Variants in PLEKHG1 observed in about 807,000 individuals in gnomAD.
PLEKHG1 encodes pleckstrin homology and RhoGEF domain containing G1, also known as pleckstrin homology domain-containing family G member 1.
A neutral mutation model predicts 100.8 loss-of-function variants in PLEKHG1; 44 were observed. The observed-to-expected ratio is 0.44, with a 90% CI of 0.34 to 0.56. PLEKHG1 has a LOEUF of 0.56. PLEKHG1 is among the 20% of genes least tolerant of loss of function. The pLI is 0.01. For synonymous variants in PLEKHG1, 640 were observed against 662.5 expected (o/e 0.97, Z 0.52); for missense variants, 1,545 against 1,720.9 (o/e 0.90, Z 1.81).
chr6:150,650,070 A>G (rs1470873189), intron 2 of PLEKHG1, among the ~76,000 whole-genome samples: 3 of 149,912 alleles, frequency 2.0e-5, no homozygotes, highest in Non-Finnish European at 3.0e-5. Context: ...AAAAAAAAAA[A>G]AAAGAAAGAA....
intron 2 of PLEKHG1, among the ~76,000 whole-genome samples, chr6:150,764,549 G>GC (rs1412797628): frequency 6.6e-6 from 1 of 152,174 alleles, no homozygotes; most frequent in Non-Finnish European, 1.5e-5. Context: ...TAGCAGTGCA[G>GC]CCCCACCCTC....
intron 3 of PLEKHG1, among the ~76,000 whole-genome samples, chr6:150,674,672 TCTCTCTCTCTCC>T (rs1161379196): frequency 6.0e-4 from 87 of 144,432 alleles, no homozygotes; most frequent in African/African-American, 1.0e-3. Flanking sequence ...TCTCTCTCTC[TCTCTCTCTCTCC>T]CCCCTCTTCT....
At chr6:150,691,942 C>T (rs1438381873) in intron 3 of PLEKHG1, among the ~76,000 whole-genome samples, 2 of 152,260 alleles carry the variant, frequency 1.3e-5, no homozygotes, top group Admixed American at 1.3e-4. Flanking sequence ...CACTTCCAGC[C>T]TAGGCTTGAA....
chr6:150,721,137 A>G, exon 1 of PLEKHG1: 2 of 985,300 alleles, frequency 2.0e-6, no homozygotes, highest in Non-Finnish European at 2.4e-6. Context: ...TGTTTCTTTT[A>G]CCTGACTGAG....
rs1415836565 is a variant in PLEKHG1, at chr6:150,704,610, T to C, written c.-98-28974T>C. ...CATCACCCAAAGAGTTCAGGTACCT[T>C]TGCCCATTCCTGGGCCCTGTCCCTG... On this transcript the variant is annotated intron_variant, in intron 3 of 3. Transcript: ENST00000367326. Among the ~76,000 whole-genome samples the C allele has an allele frequency of 3.3e-5, 5 of 152,370 alleles. No homozygotes were observed. In the East Asian group the frequency reaches 7.7e-4, roughly 24 times the overall value.
intron 3 of PLEKHG1, among the ~76,000 whole-genome samples, chr6:150,654,365 C>T (rs1778877334): frequency 6.6e-6 from 1 of 152,190 alleles, no homozygotes; most frequent in South Asian, 2.1e-4. Flanking sequence ...CTCAGCACAG[C>T]GGTGCTCAGT....
intron 2 of PLEKHG1, among the ~76,000 whole-genome samples, chr6:150,766,895 G>A (rs976235873): frequency 6.6e-6 from 1 of 152,160 alleles, no homozygotes; most frequent in Non-Finnish European, 1.5e-5. Context: ...TCAGCCAGGT[G>A]AATGTGGCTT....
intron 1 of PLEKHG1, among the ~76,000 whole-genome samples, chr6:150,626,702 C>G (rs1425562352): frequency 6.6e-6 from 1 of 152,082 alleles, no homozygotes; most frequent in Non-Finnish European, 1.5e-5. Context: ...CAGAAGGGCT[C>G]AAAGGCACAC....
chr6:150,706,998 CTTT>C (rs71014517), intron 3 of PLEKHG1, among the ~76,000 whole-genome samples: 4 of 51,928 alleles, frequency 7.7e-5, no homozygotes, highest in African/African-American at 1.6e-4. Flanking sequence ...TTTTCTTTTT[CTTT>C]TTTTTTTTTT....
Position 150,810,496 on chromosome 6 carries a change from GAGGGAAAGAAAGAAAGAAA to G in PLEKHG1, c.1278+764_1278+782del, listed in dbSNP as rs1381353623. 1.6e-3 allele frequency among the ~76,000 whole-genome samples: 217 copies of G among 139,476 alleles called. 2 individuals carry two copies. Among genetic ancestry groups the G allele is most frequent in the East Asian group, 2.6e-3 (12 of 4,644 alleles). 91.5% of individuals were successfully genotyped at this position (139,476 alleles called of 152,430 possible). A position where few individuals can be genotyped will look rare whatever the true frequency, so the allele number is the denominator to read the frequency against. On this transcript the variant is annotated intron_variant, in intron 10 of 15. Coordinates refer to ENST00000358517, the Ensembl canonical transcript of PLEKHG1. The stretch of plus-strand genomic sequence containing the variant: ...AGAAAGAAAGAAAGAAGGAAGGAAG[GAGGGAAAGAAAGAAAGAAA>G]AAGAAAGAAAGAAAGAAAGAAAGGA...
rs532828500 is a variant in PLEKHG1 at position 150,773,937 on chromosome 6, T to C, written c.512+5199T>C. 9.2e-5 allele frequency among the ~76,000 whole-genome samples: 14 copies of C among 152,358 alleles called. 1 individual carries two copies. In the East Asian group the frequency reaches 1.5e-3, roughly 17 times the overall value. ...TTTAAATACATGTAACTTTTAAAAC[T>C]TTATTCCTAGATACTTACAGCTTTT... On this transcript the variant is annotated intron_variant, in intron 3 of 15. Transcript: ENST00000358517.
chr6:150,763,725 C>A (rs1051029965), intron 2 of PLEKHG1, among the ~76,000 whole-genome samples: 2 of 152,180 alleles, frequency 1.3e-5, no homozygotes, highest in Non-Finnish European at 2.9e-5. Flanking sequence ...GCAGAGGGAG[C>A]AGCCCAGCTG....
At chr6:150,756,174 CCT>C (rs1367743492) in intron 2 of PLEKHG1, among the ~76,000 whole-genome samples, 1 of 152,174 alleles carries the variant, frequency 6.6e-6, no homozygotes, top group East Asian at 1.9e-4. Context: ...GTGTTTACCC[CCT>C]GGCCCCATGC....
intron 3 of PLEKHG1, among the ~76,000 whole-genome samples, chr6:150,659,252 C>T (rs1230242001): frequency 1.3e-5 from 2 of 152,182 alleles, no homozygotes; most frequent in Non-Finnish European, 2.9e-5. Context: ...CTAAAACTTA[C>T]AATGACATGT....
upstream of PLEKHG1, among the ~76,000 whole-genome samples, chr6:150,720,592 T>C (rs1781624475): frequency 6.6e-6 from 1 of 152,208 alleles, no homozygotes. Flanking sequence ...CAAACTGCCT[T>C]CCACTGGCTG....
chr6:150,693,851 G>A (rs116121786), intron 3 of PLEKHG1, among the ~76,000 whole-genome samples: 2,657 of 152,340 alleles, frequency 0.017, 68 homozygotes, highest in African/African-American at 0.06. Context: ...AGGAGGCAGG[G>A]ACCTCATGAC....
At chr6:150,641,899 A>AAT (rs397702887) in intron 2 of PLEKHG1, among the ~76,000 whole-genome samples, 2 of 137,714 alleles carry the variant, frequency 1.5e-5, no homozygotes, top group African/African-American at 5.3e-5. Flanking sequence ...AAAAAAAAAA[A>AAT]GCAAAAGGAA....
intron 3 of PLEKHG1, among the ~76,000 whole-genome samples, chr6:150,653,735 G>A (rs1268319919): frequency 3.3e-5 from 5 of 151,706 alleles, no homozygotes; most frequent in Non-Finnish European, 5.9e-5. Context: ...GTGACAGAGT[G>A]AGACCCTATC....
intron 1 of PLEKHG1, among the ~76,000 whole-genome samples, chr6:150,727,946 C>G (rs1782042901): frequency 6.6e-6 from 1 of 152,244 alleles, no homozygotes; most frequent in Non-Finnish European, 1.5e-5. Flanking sequence ...ACATCTTTCA[C>G]TCAAGGCAAG....
Sources: gnomAD v4.1 joint callset for allele counts (sites outside exome capture counted in the v4.1 genomes callset) on GRCh38, gnomAD v4.1.1 for gene constraint, MANE v1.5 for transcripts, NCBI Gene and HGNC (gene_info 2026-07-23, HGNC 2026-07-21) for gene names.